Variants in MAML3 observed in about 807,000 individuals in gnomAD.
The protein encoded by MAML3 is mastermind-like protein 3.
Under a neutral mutation model 101.9 loss-of-function variants are expected in MAML3, and 27 were observed. The observed-to-expected ratio is 0.27, with a 90% CI of 0.20 to 0.37. The LOEUF (loss-of-function observed/expected upper bound fraction) is 0.37, where lower values mean the gene tolerates loss of function less well. MAML3 is among the 10% of genes least tolerant of loss of function. The pLI is 1.00. For missense variants in MAML3, 1,316 were observed against 1,444.9 expected (o/e 0.91, Z 1.45); for synonymous variants, 501 against 555.9 (o/e 0.90, Z 1.39).
chr4:139,937,881 A>G (rs1733536835), intron 1 of MAML3, among the ~76,000 whole-genome samples: 1 of 152,156 alleles, frequency 6.6e-6, no homozygotes. Context: ...TTTCCTGCCT[A>G]CATGCAATTT....
intron 2 of MAML3, among the ~76,000 whole-genome samples, chr4:139,796,692 A>G (rs1209566142): frequency 1.3e-5 from 2 of 152,230 alleles, no homozygotes; most frequent in Non-Finnish European, 2.9e-5. Context: ...CAAATACCTA[A>G]TATGATATAA....
chr4:140,111,528 T>C (rs1292533539), intron 1 of MAML3, among the ~76,000 whole-genome samples: 4 of 152,248 alleles, frequency 2.6e-5, no homozygotes, highest in Non-Finnish European at 5.9e-5. Flanking sequence ...TATAATTGTG[T>C]GTGGATTTCA....
At chr4:139,915,070 T>C (rs565215634) in intron 1 of MAML3, among the ~76,000 whole-genome samples, 12 of 152,346 alleles carry the variant, frequency 7.9e-5, no homozygotes, top group African/African-American at 2.6e-4. Context: ...GGGAGGCTTA[T>C]ATTTACTGAA....
intron 1 of MAML3, among the ~76,000 whole-genome samples, chr4:140,012,968 G>A (rs1242318592): frequency 6.6e-6 from 1 of 152,158 alleles, no homozygotes; most frequent in African/African-American, 2.4e-5. Context: ...CGGTATCCAC[G>A]GAAATGACCT....
At chr4:139,759,168 C>T (rs1729707970) in intron 2 of MAML3, among the ~76,000 whole-genome samples, 1 of 152,144 alleles carries the variant, frequency 6.6e-6, no homozygotes, top group Admixed American at 6.5e-5. Flanking sequence ...AGAAATGTGT[C>T]CAGATAAAAC....
intron 1 of MAML3, among the ~76,000 whole-genome samples, chr4:139,935,037 G>A (rs1733477681): frequency 6.6e-6 from 1 of 151,840 alleles, no homozygotes; most frequent in African/African-American, 2.4e-5. Flanking sequence ...TTAATGTCTT[G>A]GGCAACGTAC....
At chr4:140,024,977 C>T (rs1401949758) in intron 1 of MAML3, among the ~76,000 whole-genome samples, 2 of 152,130 alleles carry the variant, frequency 1.3e-5, no homozygotes, top group South Asian at 2.1e-4. Context: ...ATCCTCAACC[C>T]CATTACTCTT....
intron 2 of MAML3, among the ~76,000 whole-genome samples, chr4:139,831,026 A>G (rs925648849): frequency 1.3e-5 from 2 of 152,220 alleles, no homozygotes; most frequent in Non-Finnish European, 2.9e-5. Flanking sequence ...TAAGGAGATC[A>G]GTAAAAAATG....
At chr4:139,826,979 A>G (rs1163476554) in intron 2 of MAML3, among the ~76,000 whole-genome samples, 1 of 152,220 alleles carries the variant, frequency 6.6e-6, no homozygotes, top group Non-Finnish European at 1.5e-5. Context: ...GAGGACAAAA[A>G]GAAAGTAAGC....
chr4:140,123,868 C>T (rs1415017176), intron 1 of MAML3, among the ~76,000 whole-genome samples: 1 of 152,186 alleles, frequency 6.6e-6, no homozygotes, highest in Non-Finnish European at 1.5e-5. Flanking sequence ...AAAAACCCTA[C>T]ACCTTTGTAA....
At chr4:140,083,269 A>G (rs965918689) in intron 1 of MAML3, among the ~76,000 whole-genome samples, 4 of 152,240 alleles carry the variant, frequency 2.6e-5, no homozygotes, top group Admixed American at 2.6e-4. Flanking sequence ...CATTTCCCCT[A>G]TCTTTCCCCA....
intron 1 of MAML3, among the ~76,000 whole-genome samples, chr4:140,145,217 A>G (rs1215239209): frequency 3.3e-5 from 5 of 152,208 alleles, no homozygotes; most frequent in Admixed American, 3.3e-4. Context: ...TTACCCATGG[A>G]AGTAAAACAC....
chr4:140,121,566 A>G (rs1259867105), intron 1 of MAML3, among the ~76,000 whole-genome samples: 1 of 152,270 alleles, frequency 6.6e-6, no homozygotes, highest in Non-Finnish European at 1.5e-5. Context: ...GATTTAGCCT[A>G]CGCTGATACT....
At position 139,790,216 on chromosome 4, in the gene MAML3, C is replaced by CATATATATATATATAT. The variant is rs367675413; in HGVS notation, c.2080-59565_2080-59550dup. 1.1e-3 allele frequency among the ~76,000 whole-genome samples: 125 copies of CATATATATATATATAT among 110,208 alleles called. 1 individual carries two copies. The highest frequency in any genetic ancestry group is 1.5e-3 in the African/African-American group (41 of 27,026). 72.3% of individuals were successfully genotyped at this position (110,208 alleles called of 152,430 possible). ...AGATGTGTCAACTCCACCCTAGTGACATATATATATATATATATATATATA... is the reference window on the plus strand; with the variant it reads ...AGATGTGTCAACTCCACCCTAGTGACATATATATATATATATATATATATATATATATATATATATA... On this transcript the variant is annotated intron_variant, in intron 2 of 4. Transcript: ENST00000509479.
chr4:139,746,431 T>A (rs780048673), intron 2 of MAML3, among the ~76,000 whole-genome samples: 3 of 147,512 alleles, frequency 2.0e-5, no homozygotes, highest in Non-Finnish European at 3.0e-5. Context: ...AAATGAAAAA[T>A]CTTCCCTTTA....
chr4:140,071,850 G>C (rs1012958890), intron 1 of MAML3, among the ~76,000 whole-genome samples: 4 of 151,808 alleles, frequency 2.6e-5, no homozygotes, highest in Non-Finnish European at 5.9e-5. Flanking sequence ...AATATTGTTA[G>C]TTAAGAAAGC....
At chr4:139,721,103 G>A (rs17050884) in intron 4 of MAML3, among the ~76,000 whole-genome samples, 9,133 of 152,238 alleles carry the variant, frequency 0.06, 441 homozygotes, top group Admixed American at 0.13. Flanking sequence ...TAAACTTTAC[G>A]CATTTCTACA....
chr4:140,059,054 G>A (rs1727400648), intron 1 of MAML3, among the ~76,000 whole-genome samples: 1 of 152,012 alleles, frequency 6.6e-6, no homozygotes, highest in Non-Finnish European at 1.5e-5. Flanking sequence ...CTTTTGCCTA[G>A]ATTATTTAAA....
chr4:139,750,069 G>A (rs1729457236), intron 2 of MAML3, among the ~76,000 whole-genome samples: 1 of 152,136 alleles, frequency 6.6e-6, no homozygotes, highest in Admixed American at 6.5e-5. Flanking sequence ...ACACAGCCGT[G>A]AAACACACAA....
Sources: allele counts gnomAD v4.1 joint callset (sites outside exome capture counted in the v4.1 genomes callset), GRCh38; gene constraint gnomAD v4.1.1; transcripts MANE v1.5; gene names NCBI Gene and HGNC (gene_info 2026-07-23, HGNC 2026-07-21).